BCL2: variants seen among roughly 807,000 people sequenced by gnomAD.
BCL2 encodes the protein BCL2 apoptosis regulator.
Under a neutral mutation model 14.2 loss-of-function variants are expected in BCL2, and 1 was observed. The observed-to-expected ratio is 0.07, with a 90% CI of 0.02 to 0.33. BCL2 has a LOEUF of 0.33. BCL2 is among the 10% of genes least tolerant of loss of function. The probability of loss-of-function intolerance (pLI) is 0.99; values close to 1 mark genes in which losing one functional copy is unlikely to be tolerated. For synonymous variants in BCL2, 151 were observed against 137.2 expected (o/e 1.10, Z -0.70); for missense variants, 247 against 305.9 (o/e 0.81, Z 1.44).
chr18:63,148,676 T>C (rs1349626339), intron 2 of BCL2, among the ~76,000 whole-genome samples: 1 of 150,878 alleles, frequency 6.6e-6, no homozygotes, highest in African/African-American at 2.4e-5. Context: ...AAAAAAAAAG[T>C]TGTTAAATAA....
Position 63,252,973 on chromosome 18 carries a change from G to A in BCL2, c.585+65109C>T, listed in dbSNP as rs548397298. On this transcript the variant is annotated intron_variant, in intron 2 of 2. Coordinates refer to ENST00000333681, the MANE Select transcript of BCL2 (RefSeq NM_000633.3). ...AGGTTCCTAACATCTGCTATTTCCC[G>A]ATTTTTAAAAAGTGAATGCACAGAC... 2.3e-4 allele frequency among the ~76,000 whole-genome samples: 35 copies of A among 152,246 alleles called. 1 individual carries two copies. Among genetic ancestry groups the A allele is most frequent in the African/African-American group, 1.2e-4 (5 of 41,528 alleles).
At chr18:63,140,844 G>A (rs559091818) in intron 2 of BCL2, among the ~76,000 whole-genome samples, 7 of 152,298 alleles carry the variant, frequency 4.6e-5, no homozygotes, top group East Asian at 1.9e-4. Flanking sequence ...TTCCTTACAC[G>A]ACATGAAGAG....
At chr18:63,155,698 G>A (rs1388947300) in intron 2 of BCL2, among the ~76,000 whole-genome samples, 1 of 152,220 alleles carries the variant, frequency 6.6e-6, no homozygotes, top group Non-Finnish European at 1.5e-5. Context: ...CAGCGACCAG[G>A]AGCAGGTGGT....
chr18:63,153,921 T>C (rs1260990895), intron 2 of BCL2, among the ~76,000 whole-genome samples: 1 of 152,198 alleles, frequency 6.6e-6, no homozygotes. Flanking sequence ...TTTGGGACAT[T>C]CATGAAGTCT....
intron 2 of BCL2, among the ~76,000 whole-genome samples, chr18:63,194,526 G>T (rs1421138613): frequency 6.6e-6 from 1 of 151,876 alleles, no homozygotes; most frequent in African/African-American, 2.4e-5. Context: ...GTAGAGACGG[G>T]ATTTCACCAT....
At chr18:63,212,363 C>CA (rs1032799414) in intron 2 of BCL2, among the ~76,000 whole-genome samples, 2 of 150,982 alleles carry the variant, frequency 1.3e-5, no homozygotes, top group East Asian at 1.9e-4. Context: ...AAAAAAAACA[C>CA]AAAAAAACTC....
chr18:63,246,688 T>C (rs901074355), intron 2 of BCL2, among the ~76,000 whole-genome samples: 2 of 152,196 alleles, frequency 1.3e-5, no homozygotes, highest in Admixed American at 6.5e-5. Flanking sequence ...CCTCCCCAGT[T>C]ACACCCTACG....
intron 2 of BCL2, chr18:63,162,011 A>AT (rs1454252348): frequency 6.6e-6 from 1 of 152,172 alleles, no homozygotes; most frequent in Non-Finnish European, 1.5e-5. Flanking sequence ...TAGAACACAG[A>AT]TTCCCCCTCC....
chr18:63,184,937 C>A (rs1915558565), intron 2 of BCL2, among the ~76,000 whole-genome samples: 1 of 152,152 alleles, frequency 6.6e-6, no homozygotes, highest in Non-Finnish European at 1.5e-5. Context: ...ATCAATGTGG[C>A]CCCAGAAGCA....
chr18:63,150,555 T>C (rs906581957), intron 2 of BCL2, among the ~76,000 whole-genome samples: 1 of 152,192 alleles, frequency 6.6e-6, no homozygotes, highest in African/African-American at 2.4e-5. Flanking sequence ...TCCCTCCAGT[T>C]TTCTCTGGAG....
chr18:63,177,042 G>C (rs573312607), intron 2 of BCL2, among the ~76,000 whole-genome samples: 2 of 151,402 alleles, frequency 1.3e-5, no homozygotes, highest in African/African-American at 4.8e-5. Context: ...TCAGCCTCCC[G>C]AGTAGCTGGG....
intron 2 of BCL2, among the ~76,000 whole-genome samples, chr18:63,231,400 A>G (rs1196757331): frequency 1.3e-5 from 2 of 152,020 alleles, no homozygotes; most frequent in Non-Finnish European, 2.9e-5. Flanking sequence ...AGAATTAGAA[A>G]TGAAGGGGGA....
In BCL2 at chr18:63,201,145, C is replaced by T. The variant is rs539654309; in HGVS notation, c.586-72386G>A. On this transcript the variant is annotated intron_variant, in intron 2 of 2. Coordinates refer to ENST00000333681, the MANE Select transcript of BCL2 (RefSeq NM_000633.3). ...GCTACGCTGATAGCCAGTTTACTGA[C>T]GTACACATAGAGACCACTCTTAACC... is the stretch of plus-strand genomic sequence containing the variant. 1.2e-4 allele frequency among the ~76,000 whole-genome samples: 18 copies of T among 152,132 alleles called. 2 individuals are homozygous for T. In the South Asian group the frequency reaches 3.7e-3, roughly 32 times the overall value.
intron 2 of BCL2, among the ~76,000 whole-genome samples, chr18:63,201,562 G>A (rs183801361): frequency 6.4e-4 from 97 of 152,212 alleles, no homozygotes; most frequent in Non-Finnish European, 4.1e-4. Context: ...CAATAGCGAC[G>A]ACTTGGAACC....
chr18:63,255,595 C>T (rs1911448371), intron 2 of BCL2, among the ~76,000 whole-genome samples: 1 of 152,154 alleles, frequency 6.6e-6, no homozygotes, highest in Non-Finnish European at 1.5e-5. Flanking sequence ...TTTGAAAGAG[C>T]TGGACTTCCT....
chr18:63,162,342 C>T (rs932857429), intron 2 of BCL2, among the ~76,000 whole-genome samples: 1 of 152,208 alleles, frequency 6.6e-6, no homozygotes, highest in African/African-American at 2.4e-5. Context: ...CCCACACCCA[C>T]CCCAACCAAA....
At chr18:63,312,373 G>A (rs1913354683) in intron 2 of BCL2, among the ~76,000 whole-genome samples, 1 of 152,220 alleles carries the variant, frequency 6.6e-6, no homozygotes, top group Non-Finnish European at 1.5e-5. Flanking sequence ...CTGAAGGACA[G>A]ATGGGTGTAT....
chr18:63,264,702 TA>T (rs11307145), intron 2 of BCL2, among the ~76,000 whole-genome samples: 44,081 of 152,144 alleles, frequency 0.29, 7,298 homozygotes, highest in Middle Eastern at 0.42. Context: ...TAGAAATTTT[TA>T]AGGGGATCAT....
chr18:63,137,284 T>C (rs1914232291), intron 2 of BCL2, among the ~76,000 whole-genome samples: 2 of 152,250 alleles, frequency 1.3e-5, no homozygotes, highest in African/African-American at 2.4e-5. Context: ...TGTTCCCTGT[T>C]CACAGTATTA....
Sources: gnomAD v4.1 joint callset for allele counts (sites outside exome capture counted in the v4.1 genomes callset) on GRCh38, gnomAD v4.1.1 for gene constraint, MANE v1.5 for transcripts, NCBI Gene and HGNC (gene_info 2026-07-23, HGNC 2026-07-21) for gene names.